CD274: variants seen among roughly 807,000 people sequenced by gnomAD.
CD274 encodes the protein CD274 molecule.
A neutral mutation model predicts 30.1 loss-of-function variants in CD274; 8 were observed. That is an observed-to-expected ratio of 0.27 (90% CI 0.16 to 0.48). CD274 has a LOEUF of 0.48. Among genes scored for constraint, CD274 ranks in the 20% least tolerant of loss-of-function variants. The probability of loss-of-function intolerance (pLI) is 0.99; values close to 1 mark genes in which losing one functional copy is unlikely to be tolerated. For synonymous variants in CD274, 152 were observed against 124.6 expected, an observed-to-expected ratio of 1.22 and a Z score of -1.46; for missense variants, 353 against 346.6, an observed-to-expected ratio of 1.02 and a Z score of -0.15.
At chr9:5,465,016 G>T (rs1200526097) in intron 4 of CD274, among the ~76,000 whole-genome samples, 1 of 151,730 alleles carries the variant, frequency 6.6e-6, no homozygotes, top group African/African-American at 2.4e-5. Flanking sequence ...GAACCTGGGA[G>T]GCGGAAGTTG....
chr9:5,465,041 T>C (rs1048088559), intron 4 of CD274, among the ~76,000 whole-genome samples: 21 of 147,818 alleles, frequency 1.4e-4, no homozygotes, highest in Non-Finnish European at 4.4e-5. Flanking sequence ...GAGCCCAGAT[T>C]GCGCCACTGC....
intron 3 of CD274, among the ~76,000 whole-genome samples, 190 bp from the exon 4 acceptor site, chr9:5,462,644 C>T (rs749424688): frequency 3.0e-4 from 46 of 152,190 alleles, no homozygotes; most frequent in Middle Eastern, 3.2e-3. Context: ...TTAATCCAAA[C>T]TTGTCCCAAC....
In CD274 at chr9:5,457,133, T is replaced by A. The variant is rs1283319713; in HGVS notation, c.107T>A (p.Met36Lys). 1 of 1,614,070 alleles carries A rather than the reference T, an allele frequency of 6.2e-7. No homozygotes were observed. Among genetic ancestry groups the A allele is most frequent in the Non-Finnish European group, 8.5e-7 (1 of 1,179,912 alleles). The change falls in exon 3 of 7, where the codon ATG becomes AAG. Residue 36 changes from methionine (M) to lysine (K), a missense_variant. Physicochemically the swap from Met to Lys is moderately conservative, Grantham distance 95. Coordinates refer to ENST00000381577, the MANE Select transcript of CD274 (RefSeq NM_014143.4). ...DLYVVEYGSN[M>K]TIECKFPVEK... The stretch of plus-strand genomic sequence containing the variant: ...TATGTGGTAGAGTATGGTAGCAATA[T>A]GACAATTGAATGCAAATTCCCAGTA...
chr9:5,453,139 G>A (rs975345314), intron 1 of CD274, among the ~76,000 whole-genome samples: 77 of 152,050 alleles, frequency 5.1e-4, no homozygotes, highest in African/African-American at 1.7e-3. Flanking sequence ...GAATGCCATC[G>A]CTATTCCACA....
chr9:5,459,475 A>G (rs893153838), intron 3 of CD274, among the ~76,000 whole-genome samples: 2 of 152,236 alleles, frequency 1.3e-5, no homozygotes, highest in Non-Finnish European at 2.9e-5. Flanking sequence ...AGTCACCTCC[A>G]TATGCAAATG....
intron 6 of CD274, 113 bp from the exon 7 acceptor site, chr9:5,467,727 A>G: frequency 1.1e-6 from 1 of 913,828 alleles, no homozygotes; most frequent in Non-Finnish European, 1.8e-6. Context: ...CTCTCATTTC[A>G]AATTTATCAT....
At chr9:5,452,908 T>G (rs1175249706) in intron 1 of CD274, among the ~76,000 whole-genome samples, 2 of 144,804 alleles carry the variant, frequency 1.4e-5, no homozygotes, top group Non-Finnish European at 3.1e-5. Flanking sequence ...TAGGGGTATT[T>G]TAAGTTTTCT....
At position 5,468,309 on chromosome 9, in the gene CD274, T is replaced by C. The variant is rs564023546; in HGVS notation, c.*447T>C. ...GTTGGAACGGGACAGTATTTATGTA[T>C]GAGTTTTTCCTATTTATTTTGAGTC... On this transcript the variant is annotated 3_prime_UTR_variant, in exon 7 of 7. Transcript: ENST00000381577. The C allele has an allele frequency of 3.8e-4, 92 of 241,944 alleles. 1 individual carries two copies. Among genetic ancestry groups the C allele is most frequent in the African/African-American group, 1.9e-3 (87 of 45,740 alleles). 15.0% of individuals were successfully genotyped at this position (241,944 alleles called of 1,614,324 possible).
chr9:5,467,523 A>T (rs1300801676), intron 6 of CD274, among the ~76,000 whole-genome samples: 1 of 152,200 alleles, frequency 6.6e-6, no homozygotes, highest in Non-Finnish European at 1.5e-5. Flanking sequence ...CCAAGTTTAA[A>T]GCAGTCTAAT....
At chr9:5,467,085 G>A (rs1819509287) in intron 6 of CD274, among the ~76,000 whole-genome samples, 1 of 152,094 alleles carries the variant, frequency 6.6e-6, no homozygotes, top group Non-Finnish European at 1.5e-5. Context: ...GGACAAGGAT[G>A]ACTTAGGTGG....
At chr9:5,452,666 G>A (rs1430539820) in intron 1 of CD274, among the ~76,000 whole-genome samples, 1 of 152,090 alleles carries the variant, frequency 6.6e-6, no homozygotes, top group Non-Finnish European at 1.5e-5. Flanking sequence ...TGCACCCCAA[G>A]GAAATGGAGC....
intron 6 of CD274, among the ~76,000 whole-genome samples, chr9:5,467,210 G>C (rs1819511992): frequency 6.7e-6 from 1 of 150,202 alleles, no homozygotes; most frequent in African/African-American, 2.4e-5. Flanking sequence ...CAAAGAGAGA[G>C]AGAGAGAGAG....
chr9:5,467,818 A>G (rs910085400), intron 6 of CD274, 22 bp from the exon 7 acceptor site: 5 of 1,594,612 alleles, frequency 3.1e-6, no homozygotes, highest in South Asian at 1.1e-5. Context: ...CATGAAATTA[A>G]TATACTATTA....
rs1434367623 is a variant in CD274, at chr9:5,468,054, CAG to C, written c.*193_*194del. On this transcript the variant is annotated 3_prime_UTR_variant, in exon 7 of 7. Coordinates refer to ENST00000381577, the MANE Select transcript of CD274 (RefSeq NM_014143.4). ...GAGAATGAAGAAAGATGGAGTCAAACAGGGAGCCTGGAGGGAGACCTTGATAC... is the reference window on the plus strand; with the variant it reads ...GAGAATGAAGAAAGATGGAGTCAAACGGAGCCTGGAGGGAGACCTTGATAC... 1.6e-6 allele frequency: 1 copy of C among 611,852 alleles called. No homozygotes were observed. The highest frequency in any genetic ancestry group is 2.9e-6 in the Non-Finnish European group (1 of 339,926). 37.9% of individuals were successfully genotyped at this position (611,852 alleles called of 1,614,324 possible).
Position 5,463,039 on chromosome 9 carries a change from C to G in CD274, c.600C>G (p.Asn200Lys). 6.2e-7 allele frequency: 1 copy of G among 1,613,854 alleles called. No homozygotes were observed. The highest frequency in any genetic ancestry group is 2.2e-5 in the East Asian group (1 of 44,882). ...LFNVTSTLRI[N>K]TTTNEIFYCT... ...ATGTGACCAGCACACTGAGAATCAA[C>G]ACAACAACTAATGAGATTTTCTACT... Residue 200 changes from asparagine (N) to lysine (K), a missense_variant, in exon 4 of 7, where the codon AAC becomes AAG. By Grantham distance (94) the Asn-to-Lys change is moderately conservative. Coordinates refer to ENST00000381577, the MANE Select transcript of CD274 (RefSeq NM_014143.4).
At chr9:5,461,507 T>G (rs539431338) in intron 3 of CD274, among the ~76,000 whole-genome samples, 1 of 152,280 alleles carries the variant, frequency 6.6e-6, no homozygotes, top group Non-Finnish European at 1.5e-5. Context: ...CATTATTTAT[T>G]TCAGTTTCAT....
In CD274 at chr9:5,470,234, C is replaced by T. The variant is rs1819566867; in HGVS notation, c.*2372C>T. The T allele has an allele frequency of 4.3e-6, 1 of 232,676 alleles. No individual in the cohort carries two copies. Among genetic ancestry groups the T allele is most frequent in the Non-Finnish European group, 8.5e-6 (1 of 117,692 alleles). 14.4% of individuals were successfully genotyped at this position (232,676 alleles called of 1,614,324 possible). A position where few individuals can be genotyped will look rare whatever the true frequency, so the allele number is the denominator to read the frequency against. ...ATCTGTTTGTACATGTGCATTTGTA[C>T]AGTAATTGGTGTGACAGTGTTCTTT... On this transcript the variant is annotated 3_prime_UTR_variant, in exon 7 of 7. Transcript: ENST00000381577.
intron 3 of CD274, among the ~76,000 whole-genome samples, chr9:5,462,626 C>A (rs1343277588): frequency 6.6e-6 from 1 of 152,154 alleles, no homozygotes; most frequent in Non-Finnish European, 1.5e-5. Context: ...GAAAGATAGT[C>A]ATTCCTATTA....
rs117829177 is a variant in CD274 at position 5,465,309 on chromosome 9, G to A, written c.683-190G>A. On this transcript the variant is annotated intron_variant, in intron 4 of 6. Coordinates refer to ENST00000381577, the MANE Select transcript of CD274 (RefSeq NM_014143.4). ...CCCAGCACCACCTTTTCAAAGCCTG[G>A]GCTTCTCACACTTCTCCATGCTGTT... Among the ~76,000 whole-genome samples the A allele has an allele frequency of 9.4e-3, 1,427 of 152,222 alleles. 14 individuals are homozygous for A. The highest frequency in any genetic ancestry group is 0.016 in the Non-Finnish European group (1,120 of 68,012).
Sources: gnomAD v4.1 joint callset for allele counts (sites outside exome capture counted in the v4.1 genomes callset) on GRCh38, gnomAD v4.1.1 for gene constraint, MANE v1.5 for transcripts, NCBI Gene and HGNC (gene_info 2026-07-23, HGNC 2026-07-21) for gene names.